PPM1J: variants seen among roughly 807,000 people sequenced by gnomAD.
PPM1J encodes the protein protein phosphatase, Mg2+/Mn2+ dependent 1J.
A neutral mutation model predicts 53.3 loss-of-function variants in PPM1J; 43 were observed. The observed-to-expected ratio is 0.81, with a 90% CI of 0.63 to 1.04. The LOEUF (loss-of-function observed/expected upper bound fraction) is 1.04, where lower values mean the gene tolerates loss of function less well. Among genes scored for constraint, PPM1J ranks in the 50% least tolerant of loss-of-function variants. The probability of loss-of-function intolerance (pLI) is 0.00; values close to 1 mark genes in which losing one functional copy is unlikely to be tolerated. For missense variants in PPM1J, 635 were observed against 685.9 expected (o/e 0.93, Z 0.83); for synonymous variants, 267 against 286.4 (o/e 0.93, Z 0.68).
At chr1:112,714,229 T>G in intron 1 of PPM1J, 6 of 986,698 alleles carry the variant, frequency 6.1e-6, no homozygotes, top group Non-Finnish European at 6.0e-6. Context: ...AGGGAGGTGG[T>G]GGTGGGTCCA....
In PPM1J at chr1:112,710,132, G is replaced by A. The variant is rs1464068148; in HGVS notation, c.*31C>T. 1.3e-6 allele frequency: 2 copies of A among 1,523,194 alleles called. No individual in the cohort carries two copies. Among genetic ancestry groups the A allele is most frequent in the Non-Finnish European group, 1.8e-6 (2 of 1,137,822 alleles). 94.4% of individuals were successfully genotyped at this position (1,523,194 alleles called of 1,614,324 possible). On this transcript the variant is annotated 3_prime_UTR_variant, in exon 10 of 10. Coordinates refer to ENST00000309276, the MANE Select transcript of PPM1J (RefSeq NM_005167.7). The stretch of plus-strand genomic sequence containing the variant: ...GGGCTGTGAGAGGAGTAAGTATGGA[G>A]AGGCTAGTGGGAGGGATGGTGTTCA...
At position 112,713,696 on chromosome 1, in the gene PPM1J, C is replaced by T. The variant is rs954089888; in HGVS notation, c.327-85G>A. ...CACCTTAGACACACACCGTCTCCTGCGCCCGCTGGCCAAGCTGAGAAAGGT... is the reference window on the plus strand; with the variant it reads ...CACCTTAGACACACACCGTCTCCTGTGCCCGCTGGCCAAGCTGAGAAAGGT... On this transcript the variant is annotated intron_variant, in intron 1 of 9. Transcript: ENST00000309276. The T allele has an allele frequency of 2.6e-5, 29 of 1,106,388 alleles. No individual in the cohort carries two copies. In the East Asian group the frequency reaches 3.5e-4, roughly 14 times the overall value. 68.5% of individuals were successfully genotyped at this position (1,106,388 alleles called of 1,614,324 possible).
chr1:112,712,042 G>A lies in PPM1J; in HGVS notation c.856C>T (p.Arg286Trp), dbSNP rs115193797. The A allele has an allele frequency of 4.1e-5, 66 of 1,609,168 alleles. 1 individual carries two copies. The highest frequency in any genetic ancestry group is 4.0e-4 in the South Asian group (36 of 90,564). Residue 286 changes from arginine to tryptophan, a missense_variant, in exon 5 of 10, where the codon CGG becomes TGG. Arg to Trp is a moderately radical substitution (Grantham distance 101). Transcript: ENST00000309276. Reference protein sequence around the residue: ...NAGDSRAIIVRNGEIIPMSRE... With the variant: ...NAGDSRAIIVWNGEIIPMSRE... ...GACATTGGAATGATTTCACCATTCC[G>A]GACAATGATGGCCCTGCCCAAAGAA...
intron 5 of PPM1J, among the ~76,000 whole-genome samples, chr1:112,711,746 C>T (rs1675066710): frequency 6.6e-6 from 1 of 152,170 alleles, no homozygotes; most frequent in Non-Finnish European, 1.5e-5. Context: ...TACTTCCTGC[C>T]TCAGCTGGGG....
chr1:112,711,994 C>T lies in PPM1J; in HGVS notation c.904G>A (p.Glu302Lys). ...ACAAGCAGCTGAAGACGCTGGCGCT[C>T]AGTCTCCGGGGTAAACTCCCGGGAC... ...PMSREFTPET[E>K]RQRLQLLGFL... The change falls in exon 5 of 10, where the codon GAG (glutamate) becomes AAG (lysine). Residue 302 changes from glutamate to lysine, a missense_variant. By Grantham distance (56) the Glu-to-Lys change is moderately conservative. Coordinates refer to ENST00000309276, the MANE Select transcript of PPM1J (RefSeq NM_005167.7). 2 of 1,608,082 alleles carry T rather than the reference C, an allele frequency of 1.2e-6. No individual in the cohort carries two copies. The highest frequency in any genetic ancestry group is 1.7e-6 in the Non-Finnish European group (2 of 1,175,756).
rs1675032085 is a variant in PPM1J, at chr1:112,710,480, A to G, written c.1350T>C (p.Tyr450=). Residue 450 remains tyrosine, a synonymous_variant, in exon 9 of 10, where the codon TAT becomes TAC. Coordinates refer to ENST00000309276, the MANE Select transcript of PPM1J (RefSeq NM_005167.7). ...CCTACCTGCTGTGGTCATTAGGCTC[A>G]TAGGCCGACAGCACCCTGTCCACAG... ...AATVDRVLSA[Y]EPNDHSRYTA... is the part of the protein sequence containing the mutation. 1.9e-6 allele frequency: 3 copies of G among 1,613,838 alleles called. No homozygotes were observed. The highest frequency in any genetic ancestry group is 1.7e-6 in the Non-Finnish European group (2 of 1,179,996).
Position 112,712,940 on chromosome 1 carries a change from C to CGGATAT in PPM1J, c.527_532dup (p.His176_Ile177dup). The stretch of plus-strand genomic sequence containing the variant: ...CTCTACCAGGTCCTTTAGCTGCTCT[C>CGGATAT]GGATATGGCGATGCAGGAGCCGTGA... On this transcript the variant is annotated inframe_insertion, in exon 3 of 10. Transcript: ENST00000309276. 1.9e-6 allele frequency: 3 copies of CGGATAT among 1,613,932 alleles called. No homozygotes were observed. The highest frequency in any genetic ancestry group is 2.5e-6 in the Non-Finnish European group (3 of 1,180,006).
intron 4 of PPM1J, 25 bp from the exon 5 acceptor site, chr1:112,712,080 G>C: frequency 1.9e-6 from 3 of 1,578,358 alleles, no homozygotes; most frequent in Middle Eastern, 1.7e-4. Flanking sequence ...AAAAGGAATT[G>C]GGACCTGGTT....
intron 5 of PPM1J, among the ~76,000 whole-genome samples, 187 bp downstream of exon 5, chr1:112,711,784 G>C (rs1334909922): frequency 6.6e-6 from 1 of 152,154 alleles, no homozygotes. Flanking sequence ...GACCAGCCCA[G>C]TGCTGCAGCC....
chr1:112,710,806 G>A lies in PPM1J; in HGVS notation c.1156C>T (p.His386Tyr), dbSNP rs759146840. ...TIGVTRGLGDHSLKVCSSTLP... is the reference protein window; with the variant it reads ...TIGVTRGLGDYSLKVCSSTLP... ...GTGGAACTGCAGACCTTAAGGCTGT[G>A]GTCTCCCAAGCCTCGGGTCACCCCA... Residue 386 changes from histidine to tyrosine, a missense_variant, in exon 8 of 10, where the codon CAC (histidine) becomes TAC (tyrosine). Coordinates refer to ENST00000309276, the MANE Select transcript of PPM1J (RefSeq NM_005167.7). The A allele has an allele frequency of 1.5e-5, 25 of 1,613,840 alleles. No homozygotes were observed. The highest frequency in any genetic ancestry group is 2.0e-5 in the Non-Finnish European group (24 of 1,179,908).
rs763678914 is a variant in PPM1J at position 112,712,881 on chromosome 1, G to A, written c.592C>T (p.Leu198Phe). The A allele has an allele frequency of 2.5e-6, 4 of 1,614,064 alleles. No individual in the cohort carries two copies. The highest frequency in any genetic ancestry group is 2.5e-6 in the Non-Finnish European group (3 of 1,180,046). ...TCTGGGGTCCCCGGAGTGGTTGGGA[G>A]GCAGAGGGGTGGTGGCGAAGGGTCC... ...LQDPSPPPLCLPTTPGTPDSS... is the reference protein window; with the variant it reads ...LQDPSPPPLCFPTTPGTPDSS... Residue 198 changes from leucine to phenylalanine, a missense_variant, in exon 3 of 10, where the codon CTC becomes TTC. Transcript: ENST00000309276.
chr1:112,711,028 C>T lies in PPM1J; in HGVS notation c.1090G>A (p.Val364Ile). The change falls in exon 7 of 10, where the codon GTC (valine) becomes ATC (isoleucine). Residue 364 changes from valine (V) to isoleucine (I), a missense_variant. Physicochemically the swap from Val to Ile is conservative, Grantham distance 29. Transcript: ENST00000309276. ...TTTACCTTTTTGCCCTCCCCACAGACCAGAGGAAACCTGAGATCCTCCAGC... is the reference window on the plus strand; with the variant it reads ...TTTACCTTTTTGCCCTCCCCACAGATCAGAGGAAACCTGAGATCCTCCAGC... ...IELEDLRFPL[V>I]CGEGKKARVM... The T allele has an allele frequency of 1.9e-6, 3 of 1,614,126 alleles. No homozygotes were observed. The highest frequency in any genetic ancestry group is 2.5e-6 in the Non-Finnish European group (3 of 1,179,984).
chr1:112,714,662 G>T (rs922279827), intron 1 of PPM1J: 75 of 1,194,072 alleles, frequency 6.3e-5, no homozygotes, highest in Non-Finnish European at 7.7e-5. Flanking sequence ...GGGCCGCGAC[G>T]GGGAACTGGC....
chr1:112,712,271 C>T (rs1675081156), intron 4 of PPM1J, 74 bp downstream of exon 4: 1 of 1,248,100 alleles, frequency 8.0e-7, no homozygotes, highest in Non-Finnish European at 1.1e-6. Flanking sequence ...ACCCCTGCCA[C>T]CTTACTCTCC....
rs1557783660 is a variant in PPM1J, at chr1:112,712,466, T to C, written c.730-9A>G. On this transcript the variant is annotated splice_polypyrimidine_tract_variant and intron_variant, in intron 3 of 9. Coordinates refer to ENST00000309276, the MANE Select transcript of PPM1J (RefSeq NM_005167.7). ...CGGGCCATCTGCTCATCCTGCCACATAAGGAAGGGTCAGAGGTGGGTAGAA... is the reference window on the plus strand; with the variant it reads ...CGGGCCATCTGCTCATCCTGCCACACAAGGAAGGGTCAGAGGTGGGTAGAA... The C allele has an allele frequency of 4.3e-6, 7 of 1,610,632 alleles. No homozygotes were observed. In the South Asian group the frequency reaches 7.7e-5, roughly 18 times the overall value.
At chr1:112,710,920 C>T (rs111787421) in intron 7 of PPM1J, 69 bp from the exon 8 acceptor site, 13 of 1,587,746 alleles carry the variant, frequency 8.2e-6, no homozygotes, top group African/African-American at 4.0e-5. Flanking sequence ...AGATCCCTTC[C>T]ACCCCTACCC....
At position 112,711,271 on chromosome 1, in the gene PPM1J, G is replaced by C. The variant is rs765895820; in HGVS notation, c.1041C>G (p.Thr347=). 9 of 1,606,028 alleles carry C rather than the reference G, an allele frequency of 5.6e-6. No homozygotes were observed. The highest frequency in any genetic ancestry group is 7.7e-6 in the Non-Finnish European group (9 of 1,174,170). Residue 347 remains threonine (T), a synonymous_variant, in exon 6 of 10, where the codon ACC becomes ACG. Coordinates refer to ENST00000309276, the MANE Select transcript of PPM1J (RefSeq NM_005167.7). The stretch of plus-strand genomic sequence containing the variant: ...AGCTCTGAGGGAAGTGTTACCAGCC[G>C]GTCATGTTCTGGTCCCGGTACAACA... ...QRMLYRDQNM[T]GWAYKKIELE...
rs1675106110 is a variant in PPM1J at position 112,712,981 on chromosome 1, T to C, written c.492A>G (p.Gly164=). 6.2e-7 allele frequency: 1 copy of C among 1,612,928 alleles called. No individual in the cohort carries two copies. Residue 164 remains glycine (G), a synonymous_variant, in exon 3 of 10, where the codon GGA becomes GGG. Transcript: ENST00000309276. ...GGAGCCGTGAGGCCATTTCAGCAGC[T>C]CCGCCCCCTGCATGCCCATCAAATA... ...WGLFDGHAGG[G]AAEMASRLLH... is the part of the protein sequence containing the mutation.
rs537618241 is a variant in PPM1J at position 112,714,735 on chromosome 1, G to A, written c.326+241C>T. ...CTGGGGCAGAACAGGGTCCTGAGGC[G>A]GCGTGGGCGAGGGCAGTCAATGAGC... is the stretch of plus-strand genomic sequence containing the variant. On this transcript the variant is annotated intron_variant, in intron 1 of 9. Transcript: ENST00000309276. The A allele has an allele frequency of 4.2e-4, 528 of 1,253,850 alleles. 3 individuals carry two copies. The African/African-American group carries it at 7.4e-3, about 17-fold the overall frequency. The allele number at this position is 1,253,850 out of a possible 1,614,324, so 77.7% of individuals were successfully genotyped here.
Sources: gnomAD v4.1 joint callset for allele counts (sites outside exome capture counted in the v4.1 genomes callset) on GRCh38, gnomAD v4.1.1 for gene constraint, MANE v1.5 for transcripts, NCBI Gene and HGNC (gene_info 2026-07-23, HGNC 2026-07-21) for gene names.